The following GRIA1 variants were observed in gnomAD, a reference collection of about 807,000 sequenced individuals.
GRIA1 encodes the protein glutamate ionotropic receptor AMPA type subunit 1, also known as glutamate receptor 1.
Under a neutral mutation model 99.2 loss-of-function variants are expected in GRIA1, and 31 were observed. The ratio of observed to expected loss-of-function variants is 0.31; its 90% CI spans 0.23 to 0.42. The LOEUF (loss-of-function observed/expected upper bound fraction) is 0.42. Among genes scored for constraint, GRIA1 ranks in the 10% least tolerant of loss-of-function variants. The pLI is 1.00. For synonymous variants in GRIA1, 438 were observed against 432.4 expected (o/e 1.01, Z -0.16); for missense variants, 782 against 1,157.5 (o/e 0.68, Z 4.71).
intron 11 of GRIA1, among the ~76,000 whole-genome samples, chr5:153,757,845 A>G (rs775763741): frequency 1.5e-4 from 23 of 152,204 alleles, no homozygotes; most frequent in Non-Finnish European, 2.6e-4. Context: ...ATGTGTAACA[A>G]TAAAACATCT....
chr5:153,757,303 A>G (rs1002816949), intron 11 of GRIA1, among the ~76,000 whole-genome samples: 1 of 152,196 alleles, frequency 6.6e-6, no homozygotes, highest in Non-Finnish European at 1.5e-5. Context: ...GAATCTATGG[A>G]ATAGCATCAA....
chr5:153,680,408 A>T (rs1387106173), intron 7 of GRIA1, among the ~76,000 whole-genome samples: 1 of 151,806 alleles, frequency 6.6e-6, no homozygotes, highest in African/African-American at 2.4e-5. Flanking sequence ...AGAAGACTCA[A>T]CTCCCCAAGT....
At chr5:153,700,210 C>A (rs1758418283) in intron 10 of GRIA1, among the ~76,000 whole-genome samples, 1 of 152,046 alleles carries the variant, frequency 6.6e-6, no homozygotes, top group South Asian at 2.1e-4. Flanking sequence ...CATGGTGAAA[C>A]CCCATCTCTA....
At position 153,542,968 on chromosome 5, in the gene GRIA1, A is replaced by G. The variant is rs544233046; in HGVS notation, c.220+48903A>G. ...TGGAACCAGGGTTTGGCTGTCATCT[A>G]GCTATCTGATAAAAATACACTTCTT... is the stretch of plus-strand genomic sequence containing the variant. On this transcript the variant is annotated intron_variant, in intron 2 of 15. Transcript: ENST00000285900. Among the ~76,000 whole-genome samples the G allele has an allele frequency of 2.2e-4, 34 of 152,376 alleles. 1 individual carries two copies. Among genetic ancestry groups the G allele is most frequent in the African/African-American group, 7.5e-4 (31 of 41,590 alleles).
chr5:153,710,916 AGT>A (rs1186283878), intron 11 of GRIA1, among the ~76,000 whole-genome samples: 2 of 152,246 alleles, frequency 1.3e-5, no homozygotes, highest in Non-Finnish European at 2.9e-5. Context: ...CCTTACTTAG[AGT>A]GTTCTGAGAA....
chr5:153,729,086 G>A (rs1199451170), intron 11 of GRIA1, among the ~76,000 whole-genome samples: 1 of 150,262 alleles, frequency 6.7e-6, no homozygotes, highest in Non-Finnish European at 1.5e-5. Flanking sequence ...CCTTTGTAGG[G>A]ACGTGGATGA....
At chr5:153,580,031 C>A (rs76941388) in intron 2 of GRIA1, among the ~76,000 whole-genome samples, 3,586 of 152,266 alleles carry the variant, frequency 0.024, 130 homozygotes, top group African/African-American at 0.078. Flanking sequence ...CAGAGGACCA[C>A]AAGTAGGAGC....
intron 4 of GRIA1, among the ~76,000 whole-genome samples, chr5:153,655,591 AG>A (rs1487723246): frequency 6.6e-6 from 1 of 152,158 alleles, no homozygotes; most frequent in Non-Finnish European, 1.5e-5. Flanking sequence ...AGTAGCTGTA[AG>A]ATTACAACTT....
At chr5:153,758,302 C>G (rs1195708545) in intron 11 of GRIA1, among the ~76,000 whole-genome samples, 1 of 151,854 alleles carries the variant, frequency 6.6e-6, no homozygotes, top group Admixed American at 6.6e-5. Flanking sequence ...ATATGCCACT[C>G]ACAAGAGGGT....
At chr5:153,808,638 T>C (rs78695723) in intron 15 of GRIA1, among the ~76,000 whole-genome samples, 2,445 of 152,118 alleles carry the variant, frequency 0.016, 69 homozygotes, top group African/African-American at 0.056. Flanking sequence ...GGCATCAGGG[T>C]TTTTTCCCCA....
chr5:153,702,021 G>C (rs1267148980), intron 10 of GRIA1, among the ~76,000 whole-genome samples: 1 of 152,154 alleles, frequency 6.6e-6, no homozygotes, highest in Non-Finnish European at 1.5e-5. Flanking sequence ...ACATTTTATA[G>C]ATGAGGACAC....
intron 2 of GRIA1, among the ~76,000 whole-genome samples, chr5:153,615,959 T>A (rs1227962060): frequency 1.3e-5 from 2 of 152,148 alleles, no homozygotes; most frequent in African/African-American, 2.4e-5. Context: ...TATCTGTGGG[T>A]GAGGCATACT....
intron 2 of GRIA1, among the ~76,000 whole-genome samples, chr5:153,499,962 G>C (rs1164426862): frequency 6.6e-6 from 1 of 152,178 alleles, no homozygotes; most frequent in Non-Finnish European, 1.5e-5. Flanking sequence ...ACCACACTAT[G>C]TTCTCAGCTC....
chr5:153,784,712 C>A (rs1764862544), intron 13 of GRIA1, among the ~76,000 whole-genome samples: 1 of 152,174 alleles, frequency 6.6e-6, no homozygotes, highest in Non-Finnish European at 1.5e-5. Flanking sequence ...ATCACCCCAA[C>A]CTCCTGAGTC....
chr5:153,698,050 T>C lies in GRIA1; in HGVS notation c.1141T>C (p.Tyr381His). 1.3e-6 allele frequency: 2 copies of C among 1,585,956 alleles called. No individual in the cohort carries two copies. Among genetic ancestry groups the C allele is most frequent in the Non-Finnish European group, 1.7e-6 (2 of 1,154,492 alleles). Reference protein sequence around the residue: ...MKHDGIRKIGYWNEDDKFVPA... With the variant: ...MKHDGIRKIGHWNEDDKFVPA... ...ACTCTCTTCTCATTAACAGATTGGTTACTGGAATGAAGATGATAAGTTTGT... is the reference window on the plus strand; with the variant it reads ...ACTCTCTTCTCATTAACAGATTGGTCACTGGAATGAAGATGATAAGTTTGT... The change falls in exon 9 of 16, where the codon TAC (tyrosine) becomes CAC (histidine). Residue 381 changes from tyrosine (Y) to histidine (H), a missense_variant. Tyr to His is a moderately conservative substitution (Grantham distance 83). This residue lies in a region of GRIA1 where 461 missense variants were observed against 521.7 expected (regional missense o/e 0.88). Coordinates refer to ENST00000285900, the MANE Select transcript of GRIA1 (RefSeq NM_000827.4).
At chr5:153,635,202 G>T (rs1753260251) in intron 2 of GRIA1, among the ~76,000 whole-genome samples, 1 of 152,162 alleles carries the variant, frequency 6.6e-6, no homozygotes, top group Non-Finnish European at 1.5e-5. Context: ...TTTTTTTTCT[G>T]CCACTCACCC....
At position 153,756,697 on chromosome 5, in the gene GRIA1, C is replaced by T. The variant is rs900032226; in HGVS notation, c.1824-7737C>T. On this transcript the variant is annotated intron_variant, in intron 11 of 15. Coordinates refer to ENST00000285900, the MANE Select transcript of GRIA1 (RefSeq NM_000827.4). ...CTGGAGTACCATCCCAACCTCTAAG[C>T]CTTCACAAGACTTACAGAGAACCCT... is the stretch of plus-strand genomic sequence containing the variant. Among the ~76,000 whole-genome samples the T allele has an allele frequency of 2.0e-5, 3 of 152,104 alleles. No individual in the cohort carries two copies. The South Asian group carries it at 6.2e-4, about 31-fold the overall frequency.
chr5:153,686,461 A>G, intron 8 of GRIA1, 132 bp downstream of exon 8: 2 of 602,718 alleles, frequency 3.3e-6, no homozygotes, highest in Non-Finnish European at 5.7e-6. Context: ...CAGATTCTAG[A>G]CTTGGCTCTG....
intron 11 of GRIA1, among the ~76,000 whole-genome samples, chr5:153,749,906 A>G (rs967454673): frequency 6.6e-6 from 1 of 152,026 alleles, no homozygotes; most frequent in Non-Finnish European, 1.5e-5. Context: ...CTAGAATAGT[A>G]CACCAGCTTA....
Sources: allele counts gnomAD v4.1 joint callset (sites outside exome capture counted in the v4.1 genomes callset), GRCh38; gene constraint gnomAD v4.1.1; regional missense constraint gnomAD v4.1.1; transcripts MANE v1.5; gene names NCBI Gene and HGNC (gene_info 2026-07-23, HGNC 2026-07-21).